Variants in CDH13 observed in about 807,000 individuals in gnomAD.
The protein encoded by CDH13 is cadherin-13.
Under a neutral mutation model 63.8 loss-of-function variants are expected in CDH13, and 24 were observed. The observed-to-expected ratio is 0.38, with a 90% CI of 0.27 to 0.53. CDH13 has a LOEUF of 0.53. CDH13 is among the 20% of genes least tolerant of loss of function. CDH13 has a pLI of 0.85. For synonymous variants in CDH13, 503 were observed against 355.3 expected (o/e 1.42, Z -4.67); for missense variants, 1,049 against 903.1 (o/e 1.16, Z -2.07).
At chr16:83,175,826 T>A (rs75688211) in intron 4 of CDH13, among the ~76,000 whole-genome samples, 1 of 98,930 alleles carries the variant, frequency 1.0e-5, no homozygotes, top group East Asian at 2.7e-4. Flanking sequence ...ACCTGCTTTT[T>A]TTTTTTTTTT....
At chr16:83,461,002 C>CACACACACAT (rs1275754508) in intron 6 of CDH13, among the ~76,000 whole-genome samples, 1 of 151,130 alleles carries the variant, frequency 6.6e-6, no homozygotes, top group African/African-American at 2.4e-5. Context: ...CACGCACACA[C>CACACACACAT]ACACACACAC....
chr16:82,736,950 C>T (rs2033704839), intron 1 of CDH13, among the ~76,000 whole-genome samples: 1 of 152,112 alleles, frequency 6.6e-6, no homozygotes, highest in South Asian at 2.1e-4. Flanking sequence ...GTGTTTCTTC[C>T]TCCCCTCTGA....
intron 9 of CDH13, among the ~76,000 whole-genome samples, chr16:83,677,057 G>T (rs1363148504): frequency 6.6e-6 from 1 of 152,176 alleles, no homozygotes; most frequent in Non-Finnish European, 1.5e-5. Context: ...GGTCTGATGG[G>T]TTAGCTGTTT....
At chr16:82,646,573 AG>A (rs1910119781) in intron 1 of CDH13, among the ~76,000 whole-genome samples, 1 of 152,140 alleles carries the variant, frequency 6.6e-6, no homozygotes, top group Non-Finnish European at 1.5e-5. Flanking sequence ...ATGGGAGGAG[AG>A]GTCACAGGAG....
chr16:82,848,247 A>T (rs1371049520), intron 1 of CDH13, among the ~76,000 whole-genome samples: 1 of 152,196 alleles, frequency 6.6e-6, no homozygotes, highest in African/African-American at 2.4e-5. Flanking sequence ...TATAGATAAA[A>T]CTGGGTTCAG....
chr16:83,603,097 T>C (rs1162970355), intron 8 of CDH13, among the ~76,000 whole-genome samples: 2 of 152,200 alleles, frequency 1.3e-5, no homozygotes, highest in African/African-American at 4.8e-5. Flanking sequence ...CCCTGTGCTT[T>C]TATGATTATG....
intron 8 of CDH13, among the ~76,000 whole-genome samples, chr16:83,646,467 G>A (rs376676744): frequency 1.1e-4 from 16 of 152,172 alleles, no homozygotes; most frequent in African/African-American, 3.1e-4. Flanking sequence ...TTGGGAGGCC[G>A]AGGTGGGTGG....
intron 10 of CDH13, among the ~76,000 whole-genome samples, chr16:83,689,972 G>A (rs1904685539): frequency 1.3e-5 from 2 of 152,180 alleles, no homozygotes. Context: ...GATCACCTGA[G>A]GTCAGGAATT....
At chr16:82,646,152 T>A (rs1910066152) in intron 1 of CDH13, 1 of 152,226 alleles carries the variant, frequency 6.6e-6, no homozygotes, top group African/African-American at 2.4e-5. Context: ...TTGGGCCTTG[T>A]TTGCAAGCTT....
intron 7 of CDH13, among the ~76,000 whole-genome samples, chr16:83,561,986 G>A (rs368648234): frequency 1.3e-4 from 20 of 152,156 alleles, no homozygotes; most frequent in Non-Finnish European, 2.8e-4. Context: ...CGATAGTGCC[G>A]CAGAGTCAAG....
intron 6 of CDH13, among the ~76,000 whole-genome samples, chr16:83,462,852 A>C (rs1231827090): frequency 6.6e-6 from 1 of 152,004 alleles, no homozygotes; most frequent in Non-Finnish European, 1.5e-5. Context: ...TTACTCATCA[A>C]TTTGTCCAAT....
At chr16:83,072,801 C>T (rs1015499963) in intron 3 of CDH13, among the ~76,000 whole-genome samples, 3 of 152,152 alleles carry the variant, frequency 2.0e-5, no homozygotes, top group Non-Finnish European at 4.4e-5. Context: ...CCAGACCTTA[C>T]CCCAGATCTA....
intron 2 of CDH13, among the ~76,000 whole-genome samples, chr16:82,916,347 G>A (rs548264301): frequency 3.3e-5 from 5 of 152,138 alleles, no homozygotes; most frequent in Non-Finnish European, 4.4e-5. Flanking sequence ...AGGCCGAAGC[G>A]AGTGGATGAC....
At chr16:82,677,446 CTTTT>C (rs3041877) in intron 1 of CDH13, among the ~76,000 whole-genome samples, 264 of 130,704 alleles carry the variant, frequency 2.0e-3, no homozygotes, top group African/African-American at 7.4e-3. Context: ...ACTCTTCTGC[CTTTT>C]TTTTTTTTTT....
rs79001536 is a variant in CDH13, at chr16:83,499,027, T to A, written c.960+12372T>A. Among the ~76,000 whole-genome samples the A allele has an allele frequency of 6.6e-3, 998 of 152,348 alleles. 17 individuals carry two copies. The highest frequency in any genetic ancestry group is 0.023 in the African/African-American group (963 of 41,572). Reference sequence around the variant, plus strand: ...AAATGGCTTTTTAAAGTACCCCTAGTGTTTTTTGATGCAGAAGTTTCTTGT... The same window carrying A: ...AAATGGCTTTTTAAAGTACCCCTAGAGTTTTTTGATGCAGAAGTTTCTTGT... On this transcript the variant is annotated intron_variant, in intron 7 of 13. Transcript: ENST00000567109.
intron 3 of CDH13, among the ~76,000 whole-genome samples, chr16:83,113,019 C>T (rs994768738): frequency 1.3e-5 from 2 of 152,238 alleles, no homozygotes; most frequent in South Asian, 2.1e-4. Flanking sequence ...TTACAAGGAA[C>T]GCAAAAGCAG....
intron 1 of CDH13, among the ~76,000 whole-genome samples, chr16:82,783,987 G>A (rs1005917843): frequency 2.0e-5 from 3 of 152,112 alleles, no homozygotes; most frequent in Non-Finnish European, 4.4e-5. Context: ...TTCTACCTCC[G>A]CAGGCTCTAC....
intron 6 of CDH13, chr16:83,396,507 C>A (rs1047657218): frequency 1.3e-5 from 2 of 152,136 alleles, no homozygotes; most frequent in Non-Finnish European, 2.9e-5. Context: ...CCCTTCTCCT[C>A]TTTTTTGTAT....
intron 1 of CDH13, among the ~76,000 whole-genome samples, chr16:82,845,779 A>G (rs2039231741): frequency 1.3e-5 from 2 of 152,220 alleles, no homozygotes; most frequent in African/African-American, 4.8e-5. Flanking sequence ...AAAAATTCAT[A>G]AATAGATGCA....
Sources: allele counts gnomAD v4.1 joint callset (sites outside exome capture counted in the v4.1 genomes callset), GRCh38; gene constraint gnomAD v4.1.1; transcripts MANE v1.5; gene names NCBI Gene and HGNC (gene_info 2026-07-23, HGNC 2026-07-21).